PACS1: variants seen among roughly 807,000 people sequenced by gnomAD.
The protein encoded by PACS1 is PACS-1.
In PACS1, 24 loss-of-function variants were observed where a neutral mutation model predicts 115.0. The observed-to-expected ratio is 0.21, with a 90% CI of 0.15 to 0.29. PACS1 has a LOEUF of 0.29. Ranked by LOEUF, PACS1 falls within the 10% of genes least tolerant of loss-of-function variation. PACS1 has a pLI of 1.00. For synonymous variants in PACS1, 453 were observed against 504.5 expected (o/e 0.90, Z 1.37); for missense variants, 838 against 1,251.2 (o/e 0.67, Z 4.98).
At chr11:66,126,777 T>A (rs2134570129) in intron 1 of PACS1, among the ~76,000 whole-genome samples, 1 of 152,240 alleles carries the variant, frequency 6.6e-6, no homozygotes, top group East Asian at 1.9e-4. Flanking sequence ...TTATGTTTAC[T>A]AGGGAGTGAT....
intron 1 of PACS1, among the ~76,000 whole-genome samples, chr11:66,100,113 C>G (rs1050652276): frequency 1.3e-5 from 2 of 152,142 alleles, no homozygotes; most frequent in African/African-American, 4.8e-5. Context: ...CTCCTGACCT[C>G]AGGTGATCTG....
chr11:66,227,473 C>A, intron 10 of PACS1, 31 bp from the exon 11 acceptor site: 1 of 1,212,272 alleles, frequency 8.2e-7, no homozygotes, highest in Non-Finnish European at 1.2e-6. Flanking sequence ...TTATTTGGAT[C>A]AGTGATAACT....
chr11:66,153,240 C>G (rs1482571427), intron 1 of PACS1, among the ~76,000 whole-genome samples: 2 of 152,140 alleles, frequency 1.3e-5, no homozygotes, highest in East Asian at 3.9e-4. Flanking sequence ...AAGCTATCAT[C>G]CTGCTTCAGC....
chr11:66,162,414 G>A (rs144381020), intron 1 of PACS1, among the ~76,000 whole-genome samples: 4 of 152,226 alleles, frequency 2.6e-5, no homozygotes, highest in Non-Finnish European at 5.9e-5. Flanking sequence ...GAGCCACCGC[G>A]CCTGGCCTGA....
intron 1 of PACS1, among the ~76,000 whole-genome samples, chr11:66,113,597 C>T (rs1431526442): frequency 1.3e-5 from 2 of 152,202 alleles, no homozygotes; most frequent in Non-Finnish European, 2.9e-5. Context: ...ATTTTAAACT[C>T]TCAGTTCCTT....
intron 1 of PACS1, among the ~76,000 whole-genome samples, chr11:66,162,270 C>T (rs1374208411): frequency 1.3e-5 from 2 of 151,634 alleles, no homozygotes; most frequent in African/African-American, 2.4e-5. Flanking sequence ...TACAGGCACC[C>T]GCCACCACGC....
chr11:66,096,143 G>T (rs1047352638), intron 1 of PACS1, among the ~76,000 whole-genome samples: 1 of 151,408 alleles, frequency 6.6e-6, no homozygotes, highest in African/African-American at 2.4e-5. Context: ...CAATTGCCCA[G>T]GCTGGTCTTG....
chr11:66,106,443 G>T (rs1207286278), intron 1 of PACS1, among the ~76,000 whole-genome samples: 2 of 152,010 alleles, frequency 1.3e-5, no homozygotes, highest in African/African-American at 4.8e-5. Flanking sequence ...GTGGTGACAC[G>T]TACCTGTAAT....
intron 23 of PACS1, 33 bp from the exon 24 acceptor site, chr11:66,243,132 G>T (rs374036910): frequency 1.2e-6 from 2 of 1,611,786 alleles, no homozygotes; most frequent in Non-Finnish European, 1.7e-6. Flanking sequence ...GGCCTGAGCA[G>T]TCTGGTCACC....
At chr11:66,134,429 G>C (rs1182971756) in intron 1 of PACS1, among the ~76,000 whole-genome samples, 1 of 151,408 alleles carries the variant, frequency 6.6e-6, no homozygotes, top group Admixed American at 6.6e-5. Context: ...ACTACACCTG[G>C]CTAGGTGATG....
At chr11:66,200,643 A>G (rs1220663452) in intron 2 of PACS1, among the ~76,000 whole-genome samples, 1 of 152,204 alleles carries the variant, frequency 6.6e-6, no homozygotes, top group African/African-American at 2.4e-5. Flanking sequence ...GAGCACCCAG[A>G]TATATAAAGC....
At chr11:66,180,360 TTG>T (rs1554985761) in intron 1 of PACS1, among the ~76,000 whole-genome samples, 3 of 151,534 alleles carry the variant, frequency 2.0e-5, no homozygotes, top group South Asian at 2.1e-4. Context: ...GCTTTTTTTT[TTG>T]TGTGTGTGTG....
rs564539456 is a variant in PACS1, at chr11:66,230,643, C to T, written c.1470C>T (p.Leu490=). The change falls in exon 12 of 24, where the codon CTC becomes CTT. Residue 490 remains leucine, a synonymous_variant. Transcript: ENST00000320580. The part of the protein sequence containing the change: ...KTPMKSSKTD[L]QGSASPSKVE... Reference sequence around the variant, plus strand: ...CCATGAAGTCCAGTAAAACGGATCTCCAGGGCTCTGCCTCCCCCAGGTACT... The same window carrying T: ...CCATGAAGTCCAGTAAAACGGATCTTCAGGGCTCTGCCTCCCCCAGGTACT... 1.6e-5 allele frequency: 26 copies of T among 1,613,938 alleles called. 1 individual carries two copies. The South Asian group carries it at 2.6e-4, about 16-fold the overall frequency.
At chr11:66,195,051 C>A (rs984375975) in intron 2 of PACS1, among the ~76,000 whole-genome samples, 10 of 152,102 alleles carry the variant, frequency 6.6e-5, no homozygotes, top group African/African-American at 2.4e-4. Flanking sequence ...TGGTGAAACC[C>A]CATCTCTACT....
chr11:66,090,749 TAAAG>T (rs1411228488), intron 1 of PACS1, among the ~76,000 whole-genome samples: 1 of 152,200 alleles, frequency 6.6e-6, no homozygotes, highest in African/African-American at 2.4e-5. Context: ...ATAGAATCAC[TAAAG>T]AGTTTTATGT....
intron 1 of PACS1, among the ~76,000 whole-genome samples, chr11:66,172,038 C>G (rs1238364452): frequency 6.6e-6 from 1 of 152,274 alleles, no homozygotes; most frequent in African/African-American, 2.4e-5. Context: ...TGCTTTAATT[C>G]AGTCAGTTCC....
chr11:66,120,868 C>G (rs1029392623), intron 1 of PACS1, among the ~76,000 whole-genome samples: 1 of 152,334 alleles, frequency 6.6e-6, no homozygotes, highest in South Asian at 2.1e-4. Flanking sequence ...ACTTACTTAT[C>G]CTTCAGAGCC....
At chr11:66,089,733 G>A (rs1444258052) in intron 1 of PACS1, among the ~76,000 whole-genome samples, 1 of 151,810 alleles carries the variant, frequency 6.6e-6, no homozygotes, top group Non-Finnish European at 1.5e-5. Flanking sequence ...GTGGCTGGGC[G>A]CGATGGCTCA....
At chr11:66,224,829 G>A (rs527605584) in intron 10 of PACS1, among the ~76,000 whole-genome samples, 30 of 152,298 alleles carry the variant, frequency 2.0e-4, no homozygotes, top group African/African-American at 3.8e-4. Flanking sequence ...AGGTGTGCAC[G>A]CACCACCTCA....
Sources: allele counts gnomAD v4.1 joint callset (sites outside exome capture counted in the v4.1 genomes callset), GRCh38; gene constraint gnomAD v4.1.1; transcripts MANE v1.5; gene names NCBI Gene and HGNC (gene_info 2026-07-23, HGNC 2026-07-21).